Variants in FOXN2 observed in about 807,000 individuals in gnomAD.
FOXN2 encodes forkhead box N2.
Under a neutral mutation model 41.2 loss-of-function variants are expected in FOXN2, and 19 were observed. The observed-to-expected ratio is 0.46, with a 90% CI of 0.32 to 0.68. The LOEUF (loss-of-function observed/expected upper bound fraction) is 0.68, where lower values mean the gene tolerates loss of function less well. FOXN2 is among the 30% of genes least tolerant of loss of function. FOXN2 has a pLI of 0.03. For synonymous variants in FOXN2, 195 were observed against 176.8 expected (o/e 1.10, Z -0.82); for missense variants, 587 against 509.4 (o/e 1.15, Z -1.47).
intron 3 of FOXN2, among the ~76,000 whole-genome samples, chr2:48,351,945 G>C (rs1230112352): frequency 6.6e-6 from 1 of 152,192 alleles, no homozygotes; most frequent in East Asian, 1.9e-4. Context: ...TGGGAGTTTG[G>C]GGCAGTAGGC....
chr2:48,355,991 C>T (rs1417951176), intron 3 of FOXN2, among the ~76,000 whole-genome samples: 1 of 152,072 alleles, frequency 6.6e-6, no homozygotes, highest in African/African-American at 2.4e-5. Flanking sequence ...GGCACAGTGG[C>T]ACTTACACCT....
At chr2:48,321,621 A>T (rs1669326520) in intron 1 of FOXN2, among the ~76,000 whole-genome samples, 1 of 152,134 alleles carries the variant, frequency 6.6e-6, no homozygotes. Flanking sequence ...TGGTAAGGGT[A>T]AAAGTATTAT....
At chr2:48,355,441 G>T (rs1471575928) in intron 3 of FOXN2, among the ~76,000 whole-genome samples, 1 of 152,136 alleles carries the variant, frequency 6.6e-6, no homozygotes, top group Admixed American at 6.5e-5. Flanking sequence ...GAGTCAGGGT[G>T]GGAGGGAAGG....
chr2:48,367,778 C>T (rs143216453), intron 5 of FOXN2, among the ~76,000 whole-genome samples: 48 of 152,228 alleles, frequency 3.2e-4, no homozygotes, highest in African/African-American at 1.1e-3. Flanking sequence ...TTAATCATTT[C>T]CCAACATCAA....
chr2:48,339,525 A>G (rs1670598922), intron 2 of FOXN2, among the ~76,000 whole-genome samples: 4 of 152,208 alleles, frequency 2.6e-5, no homozygotes, highest in African/African-American at 7.2e-5. Context: ...CTATGAGCCA[A>G]TTAAACCTCT....
At position 48,379,225 on chromosome 2, in the gene FOXN2, TTTA is replaced by T. The variant is rs1343939133; in HGVS notation, c.*3785_*3787del. On this transcript the variant is annotated 3_prime_UTR_variant, in exon 7 of 7. Coordinates refer to ENST00000340553, the MANE Select transcript of FOXN2 (RefSeq NM_002158.4). ...TCTGATTATTAAAATGTTTATAAAGTTTATTTTTACCAAAGAGATGCAATTCAT... is the reference window on the plus strand; with the variant it reads ...TCTGATTATTAAAATGTTTATAAAGTTTTTTACCAAAGAGATGCAATTCAT... 4 of 152,608 alleles carry T rather than the reference TTTA, an allele frequency of 2.6e-5. No homozygotes were observed. Among genetic ancestry groups the T allele is most frequent in the Non-Finnish European group, 5.9e-5 (4 of 68,030 alleles). 9.5% of individuals were successfully genotyped at this position (152,608 alleles called of 1,614,324 possible).
intron 1 of FOXN2, among the ~76,000 whole-genome samples, chr2:48,319,233 G>A (rs10208124): frequency 0.45 from 67,248 of 150,780 alleles, 15,226 homozygotes; most frequent in South Asian, 0.55. Flanking sequence ...CCTGGTCTCT[G>A]TGAGAAGCCA....
upstream of FOXN2, among the ~76,000 whole-genome samples, chr2:48,314,340 A>G (rs539530644): frequency 6.6e-6 from 1 of 152,004 alleles, no homozygotes; most frequent in African/African-American, 2.4e-5. Flanking sequence ...AGGCCTTTGC[A>G]TTTTCCCGCT....
intron 5 of FOXN2, among the ~76,000 whole-genome samples, chr2:48,365,907 C>T (rs1402065038): frequency 6.6e-6 from 1 of 152,108 alleles, no homozygotes; most frequent in East Asian, 1.9e-4. Flanking sequence ...TTTTCTCTTG[C>T]CTCTTTATAT....
At chr2:48,348,543 T>C (rs1340806552) in intron 3 of FOXN2, among the ~76,000 whole-genome samples, 1 of 152,212 alleles carries the variant, frequency 6.6e-6, no homozygotes, top group Non-Finnish European at 1.5e-5. Context: ...TAATTTTGGA[T>C]TGAATATCAG....
chr2:48,343,776 A>G (rs1051172976), intron 2 of FOXN2, among the ~76,000 whole-genome samples: 5 of 148,794 alleles, frequency 3.4e-5, no homozygotes, highest in African/African-American at 1.0e-4. Context: ...AAAAAAAAAG[A>G]CTCTTGCCTC....
chr2:48,370,756 G>T (rs936096933), intron 5 of FOXN2, among the ~76,000 whole-genome samples: 6 of 152,200 alleles, frequency 3.9e-5, no homozygotes, highest in Admixed American at 2.0e-4. Context: ...TCTGTAGGTT[G>T]TCATTTCACT....
chr2:48,377,270 C>G lies in FOXN2; in HGVS notation c.*1827C>G, dbSNP rs1471399775. ...ACAGAAAATGGCTAAACCAAGTTAA[C>G]TTTTATTATAGACAGTGAATAAAAC... On this transcript the variant is annotated 3_prime_UTR_variant, in exon 7 of 7. Transcript: ENST00000340553. 6.6e-6 allele frequency: 1 copy of G among 151,630 alleles called. No individual in the cohort carries two copies. The highest frequency in any genetic ancestry group is 1.9e-4 in the East Asian group (1 of 5,200). 9.4% of individuals were successfully genotyped at this position (151,630 alleles called of 1,614,324 possible).
At chr2:48,356,206 C>T (rs1003740681) in intron 3 of FOXN2, among the ~76,000 whole-genome samples, 55 of 152,228 alleles carry the variant, frequency 3.6e-4, no homozygotes, top group African/African-American at 1.0e-3. Flanking sequence ...CTTTGGGAGC[C>T]GAGGCAGGTG....
chr2:48,317,040 T>C (rs1668964230), intron 1 of FOXN2, among the ~76,000 whole-genome samples: 1 of 152,100 alleles, frequency 6.6e-6, no homozygotes, highest in Non-Finnish European at 1.5e-5. Flanking sequence ...CTGAGAGCAA[T>C]TTTTAGTTGA....
At chr2:48,374,836 C>T (rs527986853) in intron 6 of FOXN2, 84 bp from the exon 7 acceptor site, 3 of 1,140,024 alleles carry the variant, frequency 2.6e-6, no homozygotes, top group East Asian at 4.8e-5. Flanking sequence ...ATTTGTTGCT[C>T]AAGAGTAATG....
At chr2:48,366,863 A>G (rs1672569775) in intron 5 of FOXN2, among the ~76,000 whole-genome samples, 1 of 151,768 alleles carries the variant, frequency 6.6e-6, no homozygotes, top group Non-Finnish European at 1.5e-5. Context: ...CCTGCTGAAG[A>G]ACTTTAAATA....
At chr2:48,319,648 C>G (rs1276761060) in intron 1 of FOXN2, among the ~76,000 whole-genome samples, 2 of 148,566 alleles carry the variant, frequency 1.3e-5, no homozygotes, top group Non-Finnish European at 3.0e-5. Flanking sequence ...GGGTCACACT[C>G]AACCCTGCTG....
chr2:48,335,121 A>G (rs1001937864), intron 2 of FOXN2, among the ~76,000 whole-genome samples: 2 of 152,234 alleles, frequency 1.3e-5, no homozygotes, highest in African/African-American at 2.4e-5. Flanking sequence ...GGAAAAAGGC[A>G]CAATATAAGA....
Sources: allele counts gnomAD v4.1 joint callset (sites outside exome capture counted in the v4.1 genomes callset), GRCh38; gene constraint gnomAD v4.1.1; transcripts MANE v1.5; gene names NCBI Gene and HGNC (gene_info 2026-07-23, HGNC 2026-07-21).